PCDHA4: variants seen among roughly 807,000 people sequenced by gnomAD.
PCDHA4 encodes the protein protocadherin alpha 4.
Under a neutral mutation model 61.4 loss-of-function variants are expected in PCDHA4, and 49 were observed. The observed-to-expected ratio is 0.80, with a 90% CI of 0.63 to 1.01. PCDHA4 has a LOEUF of 1.01. PCDHA4 is among the 50% of genes least tolerant of loss of function. The pLI, the probability that PCDHA4 is intolerant of heterozygous loss-of-function variation, is 0.00. For missense variants in PCDHA4, 1,254 were observed against 1,235.8 expected (o/e 1.01, Z -0.22); for synonymous variants, 590 against 550.3 (o/e 1.07, Z -1.01).
chr5:140,887,258 T>G (rs934733001), intron 1 of PCDHA4, among the ~76,000 whole-genome samples: 4 of 151,924 alleles, frequency 2.6e-5, no homozygotes, highest in East Asian at 1.9e-4. Context: ...CACCACGCCC[T>G]GCTAATTTTT....
chr5:141,005,990 A>G (rs1375805001), intron 3 of PCDHA4, among the ~76,000 whole-genome samples: 6 of 151,998 alleles, frequency 3.9e-5, no homozygotes, highest in Admixed American at 3.9e-4. Flanking sequence ...GTGTTTGAGG[A>G]TCTGAAAGAA....
chr5:140,948,426 G>A (rs1301925814), intron 1 of PCDHA4, among the ~76,000 whole-genome samples: 1 of 151,446 alleles, frequency 6.6e-6, no homozygotes, highest in African/African-American at 2.4e-5. Flanking sequence ...TCTTCCTTCA[G>A]TGAAACATTC....
At chr5:140,848,525 G>A (rs1243766523) in intron 1 of PCDHA4, 1 of 1,594,042 alleles carries the variant, frequency 6.3e-7, no homozygotes, top group Non-Finnish European at 8.6e-7. Context: ...GAGATCCAGA[G>A]GGTCAGCCTC....
intron 1 of PCDHA4, chr5:140,862,524 C>T: frequency 4.8e-6 from 2 of 417,532 alleles, no homozygotes; most frequent in Middle Eastern, 9.1e-4. Context: ...TTGTTGGCCA[C>T]AGCCATCGGG....
chr5:140,809,378 G>T lies in PCDHA4; in HGVS notation c.2191G>T (p.Ala731Ser). 1.2e-6 allele frequency: 2 copies of T among 1,614,046 alleles called. No homozygotes were observed. Among genetic ancestry groups the T allele is most frequent in the Non-Finnish European group, 1.7e-6 (2 of 1,179,942 alleles). Residue 731 changes from alanine to serine, a missense_variant, in exon 1 of 4, where the codon GCG becomes TCG. Ala to Ser is a moderately conservative substitution (Grantham distance 99). Transcript: ENST00000530339. ...LRCSALPTEG[A>S]CAPGKPTLVC... ...GTGCTCTGCGCTGCCCACCGAGGGCGCGTGCGCTCCGGGCAAGCCCACGCT... is the reference window on the plus strand; with the variant it reads ...GTGCTCTGCGCTGCCCACCGAGGGCTCGTGCGCTCCGGGCAAGCCCACGCT...
At chr5:140,824,610 G>GTTGT (rs1768193318) in intron 1 of PCDHA4, 2 of 95,104 alleles carry the variant, frequency 2.1e-5, no homozygotes, top group African/African-American at 9.7e-5. Flanking sequence ...GCTAATTAAA[G>GTTGT]TTTTTTTTTT....
intron 1 of PCDHA4, chr5:140,813,645 A>G (rs183408897): frequency 6.6e-6 from 1 of 152,194 alleles, no homozygotes; most frequent in African/African-American, 2.4e-5. Context: ...ATTACTGTGC[A>G]CTAATGTAGA....
intron 2 of PCDHA4, among the ~76,000 whole-genome samples, chr5:140,981,515 A>C (rs1554242933): frequency 1.3e-5 from 2 of 152,230 alleles, no homozygotes. Context: ...CAGAGGTTGC[A>C]GTGAGCTGAG....
chr5:140,836,207 G>A, intron 1 of PCDHA4: 1 of 1,613,844 alleles, frequency 6.2e-7, no homozygotes, highest in Non-Finnish European at 8.5e-7. Context: ...CGTGGCTTTC[G>A]TATGAGTTGC....
intron 1 of PCDHA4, chr5:140,856,334 G>A: frequency 1.3e-6 from 2 of 1,598,614 alleles, no homozygotes; most frequent in Non-Finnish European, 1.7e-6. Context: ...GGAGCTGTGC[G>A]GGCGGAGCGT....
rs1232327422 is a variant in PCDHA4, at chr5:140,841,830, A to G, written c.2385+32258A>G. On this transcript the variant is annotated intron_variant, in intron 1 of 3. Transcript: ENST00000530339. ...GTTGGAGCTAACTCCGTGTTAACCT[A>G]CAGGCTTAGCTCTCATGATTACTTC... 5.6e-6 allele frequency: 9 copies of G among 1,613,794 alleles called. No individual in the cohort carries two copies. In the South Asian group the frequency reaches 7.7e-5, roughly 14 times the overall value.
At chr5:140,834,481 A>G in intron 1 of PCDHA4, 6 of 1,614,090 alleles carry the variant, frequency 3.7e-6, no homozygotes, top group Non-Finnish European at 5.1e-6. Flanking sequence ...CAGCTCCACT[A>G]CTCGGTCCCC....
chr5:140,870,852 G>A lies in PCDHA4; in HGVS notation c.2385+61280G>A, dbSNP rs782301779. 4.3e-6 allele frequency: 7 copies of A among 1,613,862 alleles called. No individual in the cohort carries two copies. In the Admixed American group the frequency reaches 1.0e-4, roughly 23 times the overall value. ...CAGTTAACAAGCTAGTACCGCGGTCGGTGGGTGCGGGCCACGTGGTGGCGA... is the reference window on the plus strand; with the variant it reads ...CAGTTAACAAGCTAGTACCGCGGTCAGTGGGTGCGGGCCACGTGGTGGCGA... On this transcript the variant is annotated intron_variant, in intron 1 of 3. Transcript: ENST00000530339.
chr5:140,852,390 G>A (rs1418398381), intron 1 of PCDHA4: 1 of 186,076 alleles, frequency 5.4e-6, no homozygotes, highest in African/African-American at 2.4e-5. Context: ...CAATTCTCCT[G>A]CCTCAGCCTC....
In PCDHA4 at chr5:140,843,124, G is replaced by C. The variant is rs200664126; in HGVS notation, c.2385+33552G>C. 20 of 1,595,754 alleles carry C rather than the reference G, an allele frequency of 1.3e-5. 2 individuals are homozygous for C. Among genetic ancestry groups the C allele is most frequent in the South Asian group, 7.7e-5 (7 of 90,518 alleles). On this transcript the variant is annotated intron_variant, in intron 1 of 3. Transcript: ENST00000530339. ...AGGTGCGCGCAGTGGACGCCGACTC[G>C]GGCTACAACGCGTGGCTTTCGTATG...
chr5:140,847,058 A>C (rs1780836064), intron 1 of PCDHA4, among the ~76,000 whole-genome samples: 1 of 149,958 alleles, frequency 6.7e-6, no homozygotes, highest in Non-Finnish European at 1.5e-5. Context: ...AGACACAGAA[A>C]GCATCAATAT....
At chr5:140,888,956 G>T (rs1043287613) in intron 1 of PCDHA4, among the ~76,000 whole-genome samples, 2 of 151,722 alleles carry the variant, frequency 1.3e-5, no homozygotes, top group Non-Finnish European at 2.9e-5. Flanking sequence ...TTTTTCTTTG[G>T]CAATGTTAAT....
chr5:140,928,989 A>C (rs1554206541), intron 1 of PCDHA4: 2 of 1,613,706 alleles, frequency 1.2e-6, no homozygotes, highest in Non-Finnish European at 1.7e-6. Flanking sequence ...TGGGGTGCTT[A>C]CTTTTCTTCG....
intron 3 of PCDHA4, among the ~76,000 whole-genome samples, chr5:141,006,264 T>C (rs2098264343): frequency 6.6e-6 from 1 of 152,148 alleles, no homozygotes; most frequent in Non-Finnish European, 1.5e-5. Flanking sequence ...CAGGCTGGAC[T>C]GCAGTGGCAC....
Sources: allele counts gnomAD v4.1 joint callset (sites outside exome capture counted in the v4.1 genomes callset), GRCh38; gene constraint gnomAD v4.1.1; transcripts MANE v1.5; gene names NCBI Gene and HGNC (gene_info 2026-07-23, HGNC 2026-07-21).